The following NOS1 variants were observed in gnomAD, a reference collection of about 807,000 sequenced individuals.
NOS1 encodes the protein nitric oxide synthase 1.
In NOS1, 51 loss-of-function variants were observed where a neutral mutation model predicts 164.5. The observed-to-expected ratio is 0.31, with a 90% CI of 0.25 to 0.39. NOS1 has a LOEUF of 0.39. Among genes scored for constraint, NOS1 ranks in the 10% least tolerant of loss-of-function variants. The probability of loss-of-function intolerance (pLI) is 1.00; values close to 1 mark genes in which losing one functional copy is unlikely to be tolerated. For missense variants in NOS1, 1,362 were observed against 1,885.6 expected (o/e 0.72, Z 5.14); for synonymous variants, 719 against 745.8 (o/e 0.96, Z 0.59).
intron 9 of NOS1, among the ~76,000 whole-genome samples, chr12:117,275,274 TTC>T (rs58421488): frequency 1.0e-4 from 15 of 150,058 alleles, no homozygotes; most frequent in South Asian, 2.1e-4. Context: ...TCCAAATTAA[TTC>T]TCTCTCTCTC....
intron 2 of NOS1, among the ~76,000 whole-genome samples, chr12:117,325,464 T>A (rs866921900): frequency 1.3e-5 from 2 of 151,994 alleles, no homozygotes; most frequent in African/African-American, 2.4e-5. Flanking sequence ...GGCATTGTAG[T>A]AGTAGGGAGG....
At position 117,211,943 on chromosome 12, in the gene NOS1, TAGTCCC is replaced by T. The variant is rs1418325835; in HGVS notation, c.*3360_*3365del. On this transcript the variant is annotated 3_prime_UTR_variant, in exon 29 of 29. Coordinates refer to ENST00000317775, the MANE Select transcript of NOS1 (RefSeq NM_000620.5). ...AGCTGGGCGTGGTGGTAGGCGCCTG[TAGTCCC>T]AGTTACTCAGGAGGCCGAGGCAGAA... 9 of 612,676 alleles carry T rather than the reference TAGTCCC, an allele frequency of 1.5e-5. No homozygotes were observed. Among genetic ancestry groups the T allele is most frequent in the Non-Finnish European group, 1.6e-5 (8 of 489,754 alleles). The allele number at this position is 612,676 out of a possible 1,614,324, so 38.0% of individuals were successfully genotyped here.
intron 1 of NOS1, chr12:117,348,133 C>T (rs531784048): frequency 1.2e-4 from 18 of 151,564 alleles, no homozygotes; most frequent in African/African-American, 4.4e-4. Flanking sequence ...CACCCTACCT[C>T]GACACTGCGG....
At chr12:117,347,802 G>C (rs1011251913) in intron 1 of NOS1, among the ~76,000 whole-genome samples, 1 of 152,146 alleles carries the variant, frequency 6.6e-6, no homozygotes, top group African/African-American at 2.4e-5. Context: ...TGAGAGTGAC[G>C]CAGCACTTTG....
intron 2 of NOS1, among the ~76,000 whole-genome samples, chr12:117,317,583 G>A (rs1200831123): frequency 6.6e-6 from 1 of 151,722 alleles, no homozygotes; most frequent in Non-Finnish European, 1.5e-5. Flanking sequence ...TTTAGATGTG[G>A]CTGAGCATCT....
At chr12:117,347,640 G>T (rs1876415676) in intron 1 of NOS1, among the ~76,000 whole-genome samples, 3 of 152,192 alleles carry the variant, frequency 2.0e-5, no homozygotes, top group Admixed American at 2.0e-4. Flanking sequence ...GGGACAGCAT[G>T]CTCAGTGACT....
chr12:117,281,431 A>T (rs963889819), intron 7 of NOS1, among the ~76,000 whole-genome samples: 1 of 149,134 alleles, frequency 6.7e-6, no homozygotes, highest in African/African-American at 2.5e-5. Flanking sequence ...GAGGCAGAAG[A>T]ATCGCTTGAA....
chr12:117,339,122 CTT>C (rs1409426179), intron 1 of NOS1, among the ~76,000 whole-genome samples: 2 of 152,208 alleles, frequency 1.3e-5, no homozygotes, highest in Non-Finnish European at 2.9e-5. Flanking sequence ...AGCTGAAGTG[CTT>C]TCTCCCATGC....
chr12:117,209,336 C>A lies in NOS1; in HGVS notation c.*5973G>T, dbSNP rs1040789168. On this transcript the variant is annotated 3_prime_UTR_variant, in exon 29 of 29. Coordinates refer to ENST00000317775, the MANE Select transcript of NOS1 (RefSeq NM_000620.5). ...GCCAGGAATGCTGCTCAGCTTCCTACAGTACCCAAGACGGCCCCCACAAGA... is the reference window on the plus strand; with the variant it reads ...GCCAGGAATGCTGCTCAGCTTCCTAAAGTACCCAAGACGGCCCCCACAAGA... The A allele has an allele frequency of 3.1e-5, 30 of 966,484 alleles. No individual in the cohort carries two copies. Among genetic ancestry groups the A allele is most frequent in the Non-Finnish European group, 3.3e-5 (27 of 812,864 alleles). 59.9% of individuals were successfully genotyped at this position (966,484 alleles called of 1,614,324 possible).
At chr12:117,338,336 G>T (rs1023550153) in intron 1 of NOS1, among the ~76,000 whole-genome samples, 7 of 152,018 alleles carry the variant, frequency 4.6e-5, no homozygotes, top group Non-Finnish European at 7.4e-5. Context: ...GGGAGGTTGA[G>T]GCTACCGTGA....
chr12:117,332,218 C>T (rs1338448163), intron 1 of NOS1, among the ~76,000 whole-genome samples: 1 of 152,094 alleles, frequency 6.6e-6, no homozygotes, highest in Non-Finnish European at 1.5e-5. Context: ...AGGAAAAATC[C>T]CAAAGACTAA....
At chr12:117,290,493 G>T (rs892442810) in intron 3 of NOS1, 67 bp from the exon 4 acceptor site, 571 of 1,518,832 alleles carry the variant, frequency 3.8e-4, no homozygotes, top group Non-Finnish European at 4.8e-4. Context: ...TGTCTCCACA[G>T]AGGCTGGGAG....
Position 117,292,016 on chromosome 12 carries a change from T to C in NOS1, c.853-1590A>G, listed in dbSNP as rs544614910. Among the ~76,000 whole-genome samples, 4 of 152,308 alleles carry C rather than the reference T, an allele frequency of 2.6e-5. No homozygotes were observed. The South Asian group carries it at 8.3e-4, about 32-fold the overall frequency. Reference sequence around the variant, plus strand: ...ATGAGCCAATGTTAAGTGACACTCATGCAAAGAGTACATCAGTGCACAGTG... The same window carrying C: ...ATGAGCCAATGTTAAGTGACACTCACGCAAAGAGTACATCAGTGCACAGTG... On this transcript the variant is annotated intron_variant, in intron 3 of 28. Coordinates refer to ENST00000317775, the MANE Select transcript of NOS1 (RefSeq NM_000620.5).
chr12:117,282,579 T>C (rs567616534), intron 7 of NOS1, among the ~76,000 whole-genome samples: 1 of 152,182 alleles, frequency 6.6e-6, no homozygotes. Flanking sequence ...GGTCTTGCTC[T>C]CTACACAAGA....
chr12:117,208,421 TG>T lies in NOS1; in HGVS notation c.*6887del. On this transcript the variant is annotated 3_prime_UTR_variant, in exon 29 of 29. Transcript: ENST00000317775. ...GTGTGTGTGTGTGTGTGTGTGTGTG[TG>T]GTGAGATGCGACCAGGTCTGCCCAC... is the stretch of plus-strand genomic sequence containing the variant. 7.8e-7 allele frequency: 1 copy of T among 1,280,374 alleles called. No individual in the cohort carries two copies. The highest frequency in any genetic ancestry group is 1.3e-5 in the South Asian group (1 of 79,724). 79.3% of individuals were successfully genotyped at this position (1,280,374 alleles called of 1,614,324 possible).
At chr12:117,335,729 T>TGAGAGAGA (rs60613906) in intron 1 of NOS1, among the ~76,000 whole-genome samples, 3,604 of 112,468 alleles carry the variant, frequency 0.032, 332 homozygotes, top group East Asian at 0.042. Context: ...ACAGACTATA[T>TGAGAGAGA]GAGAGAGAGA....
At chr12:117,286,075 T>C in intron 6 of NOS1, 29 bp downstream of exon 6, 1 of 1,612,618 alleles carries the variant, frequency 6.2e-7, no homozygotes, top group Non-Finnish European at 8.5e-7. Context: ...ATTTAAGGGC[T>C]CTTCAAGGTA....
At chr12:117,337,995 A>T (rs999688894) in intron 1 of NOS1, among the ~76,000 whole-genome samples, 3 of 152,094 alleles carry the variant, frequency 2.0e-5, no homozygotes, top group Non-Finnish European at 2.9e-5. Context: ...CAGGTGGATC[A>T]CTTGAGGTCA....
chr12:117,274,195 A>G (rs1872995477), intron 9 of NOS1, among the ~76,000 whole-genome samples: 1 of 152,184 alleles, frequency 6.6e-6, no homozygotes, highest in Non-Finnish European at 1.5e-5. Context: ...ATAGATAACC[A>G]ACAAATACAG....
Sources: allele counts gnomAD v4.1 joint callset (sites outside exome capture counted in the v4.1 genomes callset), GRCh38; gene constraint gnomAD v4.1.1; transcripts MANE v1.5; gene names NCBI Gene and HGNC (gene_info 2026-07-23, HGNC 2026-07-21).